Variants in SLC38A7 observed in about 807,000 individuals in gnomAD.
SLC38A7 encodes the protein sodium-coupled neutral amino acid transporter 7.
A neutral mutation model predicts 50.1 loss-of-function variants in SLC38A7; 29 were observed. The ratio of observed to expected loss-of-function variants is 0.58; its 90% CI spans 0.43 to 0.79. SLC38A7 has a LOEUF of 0.79. Ranked by LOEUF, SLC38A7 falls within the 30% of genes least tolerant of loss-of-function variation. The probability of loss-of-function intolerance (pLI) is 0.00; values close to 1 mark genes in which losing one functional copy is unlikely to be tolerated. For synonymous variants in SLC38A7, 244 were observed against 245.9 expected (o/e 0.99, Z 0.07); for missense variants, 483 against 610.6 (o/e 0.79, Z 2.20).
chr16:58,668,063 A>G (rs2044077472), intron 11 of SLC38A7, among the ~76,000 whole-genome samples: 1 of 151,604 alleles, frequency 6.6e-6, no homozygotes, highest in Non-Finnish European at 1.5e-5. Context: ...GCACTTTGGG[A>G]GGCCGAGGCA....
intron 3 of SLC38A7, 101 bp downstream of exon 3, chr16:58,679,756 G>A (rs1383209632): frequency 6.8e-7 from 1 of 1,467,686 alleles, no homozygotes. Flanking sequence ...GGGGAGAGCA[G>A]TGCGTGTATC....
chr16:58,680,372 ACTGGGTGC>A, intron 2 of SLC38A7, 131 bp from the exon 3 acceptor site: 1 of 398,244 alleles, frequency 2.5e-6, no homozygotes, highest in East Asian at 3.7e-5. Context: ...CAGACAGTGC[ACTGGGTGC>A]CAGAGTATGG....
intron 10 of SLC38A7, among the ~76,000 whole-genome samples, chr16:58,670,786 A>T (rs2044144052): frequency 6.6e-6 from 1 of 152,216 alleles, no homozygotes; most frequent in African/African-American, 2.4e-5. Flanking sequence ...AAAGGTTACT[A>T]GTTGAGTTTG....
chr16:58,682,726 G>A (rs2044416792), intron 2 of SLC38A7, among the ~76,000 whole-genome samples: 1 of 152,014 alleles, frequency 6.6e-6, no homozygotes, highest in Admixed American at 6.6e-5. Context: ...CTGCCTCCCG[G>A]GTTCAAGAGA....
rs565198168 is a variant in SLC38A7, at chr16:58,677,205, C to A, written c.710+121G>T. The A allele has an allele frequency of 3.1e-4, 242 of 781,652 alleles. 4 individuals carry two copies. The highest frequency in any genetic ancestry group is 3.1e-3 in the South Asian group (199 of 64,524). The allele number at this position is 781,652 out of a possible 1,614,324, so 48.4% of individuals were successfully genotyped here. The stretch of plus-strand genomic sequence containing the variant: ...CTCCTTCCTACAATGACCAAGTCAG[C>A]CCTGATGAGCTCATGAGCCTTGAGA... On this transcript the variant is annotated intron_variant, in intron 6 of 11. Transcript: ENST00000219320.
chr16:58,673,055 G>A (rs1244034477), intron 8 of SLC38A7, among the ~76,000 whole-genome samples: 4 of 146,518 alleles, frequency 2.7e-5, no homozygotes, highest in African/African-American at 7.7e-5. Flanking sequence ...AGCCTCCTGA[G>A]TAGCTGGGAT....
chr16:58,679,641 A>C (rs977193617), intron 3 of SLC38A7: 30 of 584,944 alleles, frequency 5.1e-5, no homozygotes, highest in Non-Finnish European at 7.7e-5. Context: ...TAGAGATGTA[A>C]TTGATGTTCA....
intron 8 of SLC38A7, chr16:58,675,206 T>C (rs2044239471): frequency 2.9e-6 from 1 of 339,346 alleles, no homozygotes; most frequent in African/African-American, 2.2e-5. Flanking sequence ...TCCAGTCCCA[T>C]TCATACCTTC....
chr16:58,684,483 G>C (rs950222874), intron 1 of SLC38A7: 2 of 152,474 alleles, frequency 1.3e-5, no homozygotes, highest in Non-Finnish European at 2.9e-5. Flanking sequence ...GGGGTAACCT[G>C]GGGAGGAGCT....
chr16:58,672,241 T>C lies in SLC38A7; in HGVS notation c.886A>G (p.Ile296Val), dbSNP rs767951321. 2.9e-5 allele frequency: 46 copies of C among 1,581,172 alleles called. 1 individual carries two copies. The South Asian group carries it at 5.1e-4, about 18-fold the overall frequency. The change falls in exon 9 of 12, where the codon ATC becomes GTC. Residue 296 changes from isoleucine to valine, a missense_variant and splice_region_variant. Coordinates refer to ENST00000219320, the MANE Select transcript of SLC38A7 (RefSeq NM_018231.3). ...GCTCCAAAGGTCAGGAAGCCACAGA[T>C]GCCTGTGGGCAGGGACAACTGGGTC... Reference protein sequence around the residue: ...IALAVYMGTGICGFLTFGAAV... With the variant: ...IALAVYMGTGVCGFLTFGAAV...
Position 58,676,006 on chromosome 16 carries a change from C to A in SLC38A7, c.817G>T (p.Val273Leu), listed in dbSNP as rs760411644. Residue 273 changes from valine (V) to leucine (L), a missense_variant, in exon 8 of 12, where the codon GTG becomes TTG. Val to Leu is a conservative substitution (Grantham distance 32). Transcript: ENST00000219320. ...GTCACCACTCCACCCCAGGTCTTCACTTCAGGCTGCTGCATGCTGTTGAAG... is the reference window on the plus strand; with the variant it reads ...GTCACCACTCCACCCCAGGTCTTCAATTCAGGCTGCTGCATGCTGTTGAAG... ...PVFNSMQQPE[V>L]KTWGGVVTAA... is the part of the protein sequence containing the mutation. 6.2e-7 allele frequency: 1 copy of A among 1,613,706 alleles called. No individual in the cohort carries two copies. The highest frequency in any genetic ancestry group is 1.7e-5 in the Admixed American group (1 of 59,976).
At chr16:58,672,383 G>C in intron 8 of SLC38A7, 140 bp from the exon 9 acceptor site, 1 of 911,446 alleles carries the variant, frequency 1.1e-6, no homozygotes, top group Non-Finnish European at 1.6e-6. Context: ...GTGGGAGATG[G>C]GGCTCCGATC....
rs748432689 is a variant in SLC38A7, at chr16:58,678,443, C to G, written c.501G>C (p.Gly167=). ...IIAVMAKEPE[G]ASGPWYTDRK... The stretch of plus-strand genomic sequence containing the variant: ...GGTCTGTGTACCAAGGGCCGCTGGC[C>G]CCCTCCGGCTCTTTCGCCATCACAG... Residue 167 remains glycine (G), a synonymous_variant, in exon 5 of 12, where the codon GGG becomes GGC. Coordinates refer to ENST00000219320, the MANE Select transcript of SLC38A7 (RefSeq NM_018231.3). The surrounding 1 kb of genome is among the most constrained non-coding windows in gnomAD (Gnocchi z 4.0). 6.4e-7 allele frequency: 1 copy of G among 1,572,272 alleles called. No individual in the cohort carries two copies. The highest frequency in any genetic ancestry group is 8.6e-7 in the Non-Finnish European group (1 of 1,159,820).
At chr16:58,683,684 A>G (rs2044437668) in intron 2 of SLC38A7, 1 of 152,386 alleles carries the variant, frequency 6.6e-6, no homozygotes, top group South Asian at 2.1e-4. Flanking sequence ...CACGTCACAG[A>G]GACAGAGGTC....
At chr16:58,668,737 C>A (rs923707035) in intron 11 of SLC38A7, among the ~76,000 whole-genome samples, 55 of 120,344 alleles carry the variant, frequency 4.6e-4, no homozygotes, top group East Asian at 1.4e-3. Flanking sequence ...AAAAAAAAGA[C>A]AAAAAAAAAA....
chr16:58,671,873 A>G, intron 9 of SLC38A7: 2 of 449,466 alleles, frequency 4.4e-6, no homozygotes, highest in Non-Finnish European at 7.7e-6. Context: ...CATGCCATGG[A>G]TAGAGATTCT....
At chr16:58,673,985 C>T (rs1257989768) in intron 8 of SLC38A7, among the ~76,000 whole-genome samples, 4 of 151,758 alleles carry the variant, frequency 2.6e-5, no homozygotes, top group Admixed American at 1.3e-4. Flanking sequence ...CCACCACGCC[C>T]GGCTAATTTT....
Position 58,678,154 on chromosome 16 carries a change from G to A in SLC38A7, c.611+179C>T, listed in dbSNP as rs1311056592. Among the ~76,000 whole-genome samples, 2 of 152,128 alleles carry A rather than the reference G, an allele frequency of 1.3e-5. No individual in the cohort carries two copies. The highest frequency in any genetic ancestry group is 4.8e-5 in the African/African-American group (2 of 41,436). On this transcript the variant is annotated intron_variant, in intron 5 of 11. Coordinates refer to ENST00000219320, the MANE Select transcript of SLC38A7 (RefSeq NM_018231.3). This position sits in a 1 kb window ranked among gnomAD's most constrained non-coding sequence, Gnocchi z 4.0. ...TCTCATGGATGCATCCTTTTTCTAT[G>A]ATGGAGACAGAAAAGGATGGTCTTA... is the stretch of plus-strand genomic sequence containing the variant.
At chr16:58,672,750 G>A (rs1317020211) in intron 8 of SLC38A7, among the ~76,000 whole-genome samples, 2 of 151,952 alleles carry the variant, frequency 1.3e-5, no homozygotes, top group South Asian at 2.1e-4. Context: ...CGGCTCAAGC[G>A]ATTCTCCCAC....
Sources: gnomAD v4.1 joint callset for allele counts (sites outside exome capture counted in the v4.1 genomes callset) on GRCh38, gnomAD v4.1.1 for gene constraint, Gnocchi (gnomAD v3.1) non-coding constraint, MANE v1.5 for transcripts, NCBI Gene and HGNC (gene_info 2026-07-23, HGNC 2026-07-21) for gene names.